Variants in RUFY4 observed in about 807,000 individuals in gnomAD.
RUFY4 encodes the protein RUN and FYVE domain containing 4, also known as RUN and FYVE domain-containing protein 4.
A neutral mutation model predicts 69.0 loss-of-function variants in RUFY4; 73 were observed. The ratio of observed to expected loss-of-function variants is 1.06; its 90% CI spans 0.88 to 1.29. The LOEUF is 1.29. RUFY4 is among the 50% of genes most tolerant of loss of function. RUFY4 has a pLI of 0.00. For missense variants in RUFY4, 770 were observed against 705.6 expected, an observed-to-expected ratio of 1.09 and a Z score of -1.03; for synonymous variants, 287 against 271.8, an observed-to-expected ratio of 1.06 and a Z score of -0.55.
Position 218,074,000 on chromosome 2 carries a change from GGACA to G in RUFY4, c.600+122_600+125del, listed in dbSNP as rs1689561162. On this transcript the variant is annotated intron_variant, in intron 6 of 10. Coordinates refer to ENST00000344321, the Ensembl canonical transcript of RUFY4. ...GTGTACAGAGAGCCCTGACCCTACA[GGACA>G]GACAGAGCAAGAGGCCAGTGTGTGG... 6 of 1,043,734 alleles carry G rather than the reference GGACA, an allele frequency of 5.7e-6. No individual in the cohort carries two copies. In the Admixed American group the frequency reaches 7.9e-5, roughly 14 times the overall value. The allele number at this position is 1,043,734 out of a possible 1,614,324, so 64.7% of individuals were successfully genotyped here.
rs181492603 is a variant in RUFY4 at position 218,056,247 on chromosome 2, T to G, written c.-1157-2348T>G. Among the ~76,000 whole-genome samples the G allele has an allele frequency of 3.3e-5, 5 of 149,572 alleles. No individual in the cohort carries two copies. The East Asian group carries it at 9.7e-4, about 29-fold the overall frequency. On this transcript the variant is annotated intron_variant and NMD_transcript_variant, in intron 2 of 13. Coordinates refer to the RUFY4 transcript ENST00000457754. Reference sequence around the variant, plus strand: ...GGTTGTTGTTTTTTTTTTTTTTTTGTATTCTGCTCTGTAAGCTCTGCTTTT... The same window carrying G: ...GGTTGTTGTTTTTTTTTTTTTTTTGGATTCTGCTCTGTAAGCTCTGCTTTT...
chr2:218,063,996 A>G (rs1369843138), intron 3 of RUFY4, among the ~76,000 whole-genome samples: 2 of 152,138 alleles, frequency 1.3e-5, no homozygotes, highest in Non-Finnish European at 2.9e-5. Flanking sequence ...CTAAGGCTTC[A>G]GCCACAGCCC....
At chr2:218,087,517 T>C (rs959120006) in intron 9 of RUFY4, among the ~76,000 whole-genome samples, 1 of 152,104 alleles carries the variant, frequency 6.6e-6, no homozygotes, top group African/African-American at 2.4e-5. Context: ...AATGAATACA[T>C]GAGTATATTC....
chr2:218,086,358 G>A (rs1188583677), intron 9 of RUFY4, among the ~76,000 whole-genome samples: 1 of 151,952 alleles, frequency 6.6e-6, no homozygotes, highest in Non-Finnish European at 1.5e-5. Context: ...ACTGAGCAAA[G>A]GAATGAAAAA....
In RUFY4 at chr2:218,062,993, C is replaced by T. The variant is rs533118741; in HGVS notation, c.-1071+4312C>T. Among the ~76,000 whole-genome samples the T allele has an allele frequency of 9.3e-4, 141 of 152,328 alleles. 1 individual carries two copies. The highest frequency in any genetic ancestry group is 3.4e-3 in the Middle Eastern group (1 of 294). ...CTGCATGTGTGTGCCTCCATCCAGC[C>T]CTGACTCCCCTGTTCTTCTCATTCA... On this transcript the variant is annotated intron_variant and NMD_transcript_variant, in intron 3 of 13. Coordinates refer to the RUFY4 transcript ENST00000457754.
chr2:218,070,383 C>A, upstream of RUFY4: 1 of 605,550 alleles, frequency 1.7e-6, no homozygotes, highest in Non-Finnish European at 3.0e-6. Context: ...AGGGACTGCT[C>A]AATCGGTGGA....
chr2:218,089,986 A>G (rs1221281146), exon 11 of RUFY4: 1 of 1,568,628 alleles, frequency 6.4e-7, no homozygotes, highest in Non-Finnish European at 8.6e-7. Flanking sequence ...TGCTTGCTCC[A>G]TGGATTACAA....
intron 3 of RUFY4, chr2:218,060,668 C>T: frequency 7.5e-7 from 1 of 1,333,804 alleles, no homozygotes; most frequent in South Asian, 1.2e-5. Context: ...GCAAAGATGA[C>T]CCACATGGTC....
At chr2:218,057,396 AT>A (rs1689086588) in intron 2 of RUFY4, among the ~76,000 whole-genome samples, 1 of 152,102 alleles carries the variant, frequency 6.6e-6, no homozygotes, top group African/African-American at 2.4e-5. Flanking sequence ...ATATATTATA[AT>A]TTTTTATACA....
At chr2:218,072,818 T>A in exon 4 of RUFY4, 1 of 1,536,272 alleles carries the variant, frequency 6.5e-7, no homozygotes, top group Non-Finnish European at 8.7e-7. Flanking sequence ...CTTCATCCGC[T>A]TCTGCCTGGC....
intron 2 of RUFY4, among the ~76,000 whole-genome samples, chr2:218,044,399 G>A (rs865848556): frequency 1.3e-5 from 2 of 152,164 alleles, no homozygotes; most frequent in Non-Finnish European, 2.9e-5. Flanking sequence ...GTCAATCTTA[G>A]TTAGCTGTAA....
intron 2 of RUFY4, among the ~76,000 whole-genome samples, chr2:218,041,341 T>G (rs983063770): frequency 2.0e-5 from 3 of 152,194 alleles, no homozygotes; most frequent in Non-Finnish European, 4.4e-5. Context: ...AGGATTTGGA[T>G]TTGGATTGTA....
At chr2:218,038,174 A>G (rs930824292) in intron 2 of RUFY4, among the ~76,000 whole-genome samples, 2 of 152,208 alleles carry the variant, frequency 1.3e-5, no homozygotes, top group African/African-American at 4.8e-5. Context: ...CATGAAAGTT[A>G]TCAGAGTCCT....
At chr2:218,064,883 C>T (rs1415746423), upstream of RUFY4, among the ~76,000 whole-genome samples, 3 of 152,110 alleles carry the variant, frequency 2.0e-5, no homozygotes, top group African/African-American at 7.2e-5. Context: ...AACCCCATCC[C>T]CTCCCCTGCA....
intron 2 of RUFY4, among the ~76,000 whole-genome samples, chr2:218,042,015 G>A (rs1207350128): frequency 1.3e-5 from 2 of 152,202 alleles, no homozygotes; most frequent in African/African-American, 2.4e-5. Flanking sequence ...CACATAGTCA[G>A]CACTATCCAA....
chr2:218,052,375 T>C (rs1305350515), intron 2 of RUFY4, among the ~76,000 whole-genome samples: 5 of 152,216 alleles, frequency 3.3e-5, no homozygotes, highest in Non-Finnish European at 5.9e-5. Flanking sequence ...CTAAAAACCA[T>C]GCATTCCGTT....
intron 4 of RUFY4, 53 bp downstream of exon 6, chr2:218,072,938 C>G: frequency 1.4e-6 from 2 of 1,402,954 alleles, no homozygotes; most frequent in Non-Finnish European, 1.9e-6. Context: ...ACTTTCCCTC[C>G]TTTGTAAAAG....
chr2:218,088,262 G>A (rs545406239), intron 9 of RUFY4, among the ~76,000 whole-genome samples: 3 of 152,034 alleles, frequency 2.0e-5, no homozygotes, highest in African/African-American at 7.2e-5. Context: ...GGGAGGTTGA[G>A]GCAGGGTTCA....
At chr2:218,085,047 T>C (rs905536368) in intron 9 of RUFY4, among the ~76,000 whole-genome samples, 9 of 151,808 alleles carry the variant, frequency 5.9e-5, no homozygotes, top group Non-Finnish European at 1.2e-4. Flanking sequence ...AAACTCCATC[T>C]CAAAAAAGAA....
Sources: allele counts gnomAD v4.1 joint callset (sites outside exome capture counted in the v4.1 genomes callset), GRCh38; gene constraint gnomAD v4.1.1; transcripts MANE v1.5; gene names NCBI Gene and HGNC (gene_info 2026-07-23, HGNC 2026-07-21).